The following CBFA2T3 variants were observed in gnomAD, a reference collection of about 807,000 sequenced individuals.
CBFA2T3 encodes the protein transcriptional corepressor CBFA2T3.
A neutral mutation model predicts 58.6 loss-of-function variants in CBFA2T3; 31 were observed. The ratio of observed to expected loss-of-function variants is 0.53; its 90% CI spans 0.40 to 0.71. The LOEUF (loss-of-function observed/expected upper bound fraction) is 0.71, where lower values mean the gene tolerates loss of function less well. Among genes scored for constraint, CBFA2T3 ranks in the 30% least tolerant of loss-of-function variants. The probability of loss-of-function intolerance (pLI) is 0.00; values close to 1 mark genes in which losing one functional copy is unlikely to be tolerated. For missense variants in CBFA2T3, 1,076 were observed against 963.1 expected, an observed-to-expected ratio of 1.12 and a Z score of -1.55; for synonymous variants, 531 against 421.9, an observed-to-expected ratio of 1.26 and a Z score of -3.17.
chr16:88,974,191 C>T (rs1276799344), intron 1 of CBFA2T3, among the ~76,000 whole-genome samples: 1 of 152,226 alleles, frequency 6.6e-6, no homozygotes, highest in East Asian at 1.9e-4. Flanking sequence ...CCTTTCTGAC[C>T]TCCGCCTCTT....
chr16:88,932,625 C>T (rs1021959088), intron 1 of CBFA2T3, among the ~76,000 whole-genome samples: 1 of 151,144 alleles, frequency 6.6e-6, no homozygotes. Context: ...CCAGCCTGAG[C>T]GATAGAGGGA....
chr16:88,921,446 T>C (rs1026810748), intron 1 of CBFA2T3, among the ~76,000 whole-genome samples: 4 of 152,118 alleles, frequency 2.6e-5, no homozygotes, highest in Non-Finnish European at 5.9e-5. Flanking sequence ...AGGGAGGTGG[T>C]GGCACGTGGC....
intron 1 of CBFA2T3, among the ~76,000 whole-genome samples, chr16:88,956,001 G>A (rs1458591163): frequency 1.3e-5 from 2 of 152,082 alleles, no homozygotes; most frequent in African/African-American, 2.4e-5. Context: ...CCCCAGCCAA[G>A]GCTCCTGACC....
intron 1 of CBFA2T3, among the ~76,000 whole-genome samples, chr16:88,924,748 G>A (rs535334291): frequency 7.2e-5 from 11 of 152,314 alleles, no homozygotes; most frequent in Non-Finnish European, 1.2e-4. Context: ...GGCCGGACGC[G>A]GCGGGGACAG....
chr16:88,883,880 C>G (rs1398765025), intron 7 of CBFA2T3: 1 of 152,292 alleles, frequency 6.6e-6, no homozygotes, highest in African/African-American at 2.4e-5. Context: ...CCACTGTTTT[C>G]TGCATTTGGC....
At chr16:88,908,551 T>C (rs1970415697) in intron 1 of CBFA2T3, among the ~76,000 whole-genome samples, 1 of 151,828 alleles carries the variant, frequency 6.6e-6, no homozygotes, top group African/African-American at 2.4e-5. Flanking sequence ...ATCCATCACT[T>C]CCCCGTCCGT....
At chr16:88,937,769 C>A (rs1306345768) in intron 1 of CBFA2T3, 1 of 152,300 alleles carries the variant, frequency 6.6e-6, no homozygotes, top group East Asian at 1.9e-4. Flanking sequence ...TCGATCAATA[C>A]TTGCCCAGGG....
chr16:88,950,952 C>T (rs778699951), intron 1 of CBFA2T3: 8 of 417,058 alleles, frequency 1.9e-5, no homozygotes, highest in African/African-American at 5.6e-5. Context: ...TCCCCTGGAC[C>T]GGCACCGCCA....
At chr16:88,966,346 G>A (rs1390797356) in intron 1 of CBFA2T3, among the ~76,000 whole-genome samples, 2 of 152,102 alleles carry the variant, frequency 1.3e-5, no homozygotes, top group African/African-American at 2.4e-5. Flanking sequence ...GGGTAGGGGG[G>A]TGGCAGCCCC....
rs1002221524 is a variant in CBFA2T3, at chr16:88,931,819, G to A, written c.152-30163C>T. On this transcript the variant is annotated intron_variant, in intron 1 of 11. Coordinates refer to ENST00000268679, the MANE Select transcript of CBFA2T3 (RefSeq NM_005187.6). The stretch of plus-strand genomic sequence containing the variant: ...GGTCCCCAGTGAGCCCTGGTGTCAC[G>A]GCTCACGCTTTATAAAAGCTCTCAA... Among the ~76,000 whole-genome samples the A allele has an allele frequency of 6.6e-5, 10 of 152,268 alleles. No individual in the cohort carries two copies. The Middle Eastern group carries it at 0.01, about 155-fold the overall frequency.
At chr16:88,925,841 C>T (rs1014534988) in intron 1 of CBFA2T3, among the ~76,000 whole-genome samples, 2 of 152,232 alleles carry the variant, frequency 1.3e-5, no homozygotes, top group Non-Finnish European at 2.9e-5. Flanking sequence ...GCCCCGGTAC[C>T]AAGGACATGG....
chr16:88,912,579 T>C (rs567156419), intron 1 of CBFA2T3, among the ~76,000 whole-genome samples: 177 of 152,334 alleles, frequency 1.2e-3, no homozygotes, highest in African/African-American at 4.1e-3. Flanking sequence ...CCCATTTTTC[T>C]TCTCCAGCCA....
At position 88,898,133 on chromosome 16, in the gene CBFA2T3, C is replaced by T. The variant is rs146556278; in HGVS notation, c.324G>A (p.Ala108=). 12 of 1,612,846 alleles carry T rather than the reference C, an allele frequency of 7.4e-6. No homozygotes were observed. The highest frequency in any genetic ancestry group is 5.5e-5 in the South Asian group (5 of 91,080). Residue 108 remains alanine, a synonymous_variant, in exon 3 of 12, where the codon GCG becomes GCA. Coordinates refer to ENST00000268679, the MANE Select transcript of CBFA2T3 (RefSeq NM_005187.6). ...CATGAAAACGGCCGTGGGGCAGCGT[C>T]GCAGGCCCGTCCTCTCGATCTGTAA... The part of the protein sequence containing the change: ...TPHTHREDGP[A]TLPHGRFHGC...
At chr16:88,949,951 A>T (rs550744434) in intron 1 of CBFA2T3, among the ~76,000 whole-genome samples, 1 of 152,010 alleles carries the variant, frequency 6.6e-6, no homozygotes, top group Non-Finnish European at 1.5e-5. Flanking sequence ...CAGAGTTGCA[A>T]TGAGCCAAAA....
intron 1 of CBFA2T3, among the ~76,000 whole-genome samples, chr16:88,920,939 G>A (rs949979746): frequency 6.6e-6 from 1 of 152,260 alleles, no homozygotes; most frequent in African/African-American, 2.4e-5. Context: ...GAGAGCAGCG[G>A]GACGGGTGTC....
intron 1 of CBFA2T3, among the ~76,000 whole-genome samples, chr16:88,970,848 C>T (rs1038100650): frequency 4.6e-5 from 7 of 152,310 alleles, no homozygotes; most frequent in East Asian, 1.9e-4. Context: ...CGCTGGGGGC[C>T]GGGGGATGAG....
At chr16:88,970,541 A>C (rs1405695121) in intron 1 of CBFA2T3, among the ~76,000 whole-genome samples, 2 of 152,204 alleles carry the variant, frequency 1.3e-5, no homozygotes, top group Non-Finnish European at 2.9e-5. Context: ...ATCTGAGGTC[A>C]GCGATGCCCT....
intron 8 of CBFA2T3, among the ~76,000 whole-genome samples, chr16:88,882,381 G>T (rs1015599246): frequency 1.7e-4 from 26 of 151,144 alleles, no homozygotes; most frequent in Non-Finnish European, 2.8e-4. Context: ...GGGGTTGTGT[G>T]CATGGGTATG....
At chr16:88,915,937 A>G (rs1970704128) in intron 1 of CBFA2T3, among the ~76,000 whole-genome samples, 1 of 151,756 alleles carries the variant, frequency 6.6e-6, no homozygotes, top group African/African-American at 2.4e-5. Flanking sequence ...TGTGCGTGTG[A>G]GTGTGCATGC....
Sources: allele counts gnomAD v4.1 joint callset (sites outside exome capture counted in the v4.1 genomes callset), GRCh38; gene constraint gnomAD v4.1.1; transcripts MANE v1.5; gene names NCBI Gene and HGNC (gene_info 2026-07-23, HGNC 2026-07-21).